PAX8: variants seen among roughly 807,000 people sequenced by gnomAD.
PAX8 encodes the protein paired box protein Pax-8.
A neutral mutation model predicts 52.4 loss-of-function variants in PAX8; 15 were observed. The observed-to-expected ratio is 0.29, with a 90% CI of 0.19 to 0.44. The LOEUF is 0.44. Among genes scored for constraint, PAX8 ranks in the 20% least tolerant of loss-of-function variants. The pLI, the probability that PAX8 is intolerant of heterozygous loss-of-function variation, is 1.00. For synonymous variants in PAX8, 284 were observed against 249.7 expected, an observed-to-expected ratio of 1.14 and a Z score of -1.29; for missense variants, 554 against 602.5, an observed-to-expected ratio of 0.92 and a Z score of 0.84.
intron 9 of PAX8, 52 bp from the exon 10 acceptor site, chr2:113,227,308 G>A (rs758318627): frequency 8.6e-6 from 12 of 1,390,074 alleles, no homozygotes; most frequent in East Asian, 2.4e-5. Context: ...GCTCCCATAT[G>A]TATCATCTCA....
At chr2:113,251,920 C>T (rs1691800415) in intron 2 of PAX8, among the ~76,000 whole-genome samples, 2 of 152,078 alleles carry the variant, frequency 1.3e-5, no homozygotes, top group South Asian at 4.2e-4. Context: ...AGGCAGGGGC[C>T]CTGTCTTTGT....
At chr2:113,278,098 C>T (rs540266585) in intron 2 of PAX8, among the ~76,000 whole-genome samples, 7 of 151,974 alleles carry the variant, frequency 4.6e-5, no homozygotes, top group African/African-American at 1.7e-4. Flanking sequence ...TCAAAGGAAA[C>T]CCCCTCTAAC....
rs1352632663 is a variant in PAX8, at chr2:113,255,312, G to T, written c.26-8393C>A. On this transcript the variant is annotated intron_variant, in intron 2 of 11. Coordinates refer to ENST00000429538, the MANE Select transcript of PAX8 (RefSeq NM_003466.4). ...GAGGGAGGAGGGAGGGGAGGAGGGA[G>T]GGGAGGAGGGAGGCAGATCTACAAG... 6 of 109,522 alleles carry T rather than the reference G, an allele frequency of 5.5e-5. 2 individuals are homozygous for T. Among genetic ancestry groups the T allele is most frequent in the African/African-American group, 2.1e-4 (6 of 28,272 alleles). The allele number at this position is 109,522 out of a possible 1,614,324, so 6.8% of individuals were successfully genotyped here.
chr2:113,261,908 C>G (rs1692710639), intron 2 of PAX8, among the ~76,000 whole-genome samples: 1 of 151,408 alleles, frequency 6.6e-6, no homozygotes, highest in Admixed American at 6.6e-5. Flanking sequence ...AACCCTGCAA[C>G]CTCCGCCCCA....
intron 2 of PAX8, among the ~76,000 whole-genome samples, chr2:113,257,246 C>T (rs1047940286): frequency 1.3e-5 from 2 of 152,060 alleles, no homozygotes; most frequent in Admixed American, 6.6e-5. Flanking sequence ...GAAATAATCC[C>T]AGCTCCTTCT....
chr2:113,268,542 C>A (rs916669327), intron 2 of PAX8: 1 of 152,124 alleles, frequency 6.6e-6, no homozygotes, highest in Admixed American at 6.5e-5. Context: ...CTGAGATGTG[C>A]GAGGCATACA....
At chr2:113,237,292 T>A (rs1690441709) in intron 7 of PAX8, 1 of 152,360 alleles carries the variant, frequency 6.6e-6, no homozygotes, top group African/African-American at 2.4e-5. Flanking sequence ...GAGCTTTGCC[T>A]CTGTTGTCCT....
chr2:113,225,447 A>C (rs1245018483), intron 10 of PAX8: 2 of 152,248 alleles, frequency 1.3e-5, no homozygotes, highest in Non-Finnish European at 2.9e-5. Context: ...TGCCATTCCT[A>C]GGAACCAAGT....
intron 2 of PAX8, among the ~76,000 whole-genome samples, chr2:113,263,668 T>A (rs1204810684): frequency 6.6e-6 from 1 of 152,152 alleles, no homozygotes; most frequent in Non-Finnish European, 1.5e-5. Flanking sequence ...CTTCTACCCA[T>A]AGCCAGATGG....
chr2:113,226,499 A>T (rs1689578118), intron 10 of PAX8: 2 of 989,110 alleles, frequency 2.0e-6, no homozygotes, highest in Non-Finnish European at 2.4e-6. Flanking sequence ...AGACAAAGAA[A>T]CCCAAATGAC....
At chr2:113,243,436 G>A (rs1328381553) in intron 4 of PAX8, among the ~76,000 whole-genome samples, 2 of 151,914 alleles carry the variant, frequency 1.3e-5, no homozygotes, top group Non-Finnish European at 2.9e-5. Context: ...TTGTCGCCCA[G>A]GCTGGAGTCC....
chr2:113,233,798 C>G (rs1251264451), intron 9 of PAX8, among the ~76,000 whole-genome samples: 1 of 152,046 alleles, frequency 6.6e-6, no homozygotes, highest in Non-Finnish European at 1.5e-5. Flanking sequence ...CAAGGGCTTT[C>G]TAGGGGCAGG....
intron 4 of PAX8, among the ~76,000 whole-genome samples, chr2:113,243,136 A>G (rs1046642073): frequency 2.0e-5 from 3 of 152,146 alleles, no homozygotes; most frequent in Non-Finnish European, 4.4e-5. Flanking sequence ...TGTCATCACC[A>G]GTGTTCCAGG....
intron 8 of PAX8, 77 bp downstream of exon 8, chr2:113,236,524 A>T (rs1690356709): frequency 1.3e-6 from 2 of 1,498,688 alleles, no homozygotes; most frequent in East Asian, 4.9e-5. Context: ...CCAGGGCCCC[A>T]CACCTTCCGC....
intron 2 of PAX8, chr2:113,268,501 T>C (rs936509696): frequency 1.3e-5 from 2 of 152,170 alleles, no homozygotes; most frequent in African/African-American, 4.8e-5. Context: ...TGGATCCAGG[T>C]AGACCAGCAT....
chr2:113,247,442 ACT>A (rs1291359238), intron 2 of PAX8, among the ~76,000 whole-genome samples: 8 of 152,316 alleles, frequency 5.3e-5, no homozygotes, highest in Admixed American at 1.3e-4. Flanking sequence ...AAAAGCAGAA[ACT>A]CTCTGGTAGA....
At chr2:113,254,436 A>G (rs1009246574) in intron 2 of PAX8, among the ~76,000 whole-genome samples, 10 of 152,174 alleles carry the variant, frequency 6.6e-5, no homozygotes, top group African/African-American at 2.4e-4. Context: ...CTGATTAGGA[A>G]GATGTCTCTA....
chr2:113,265,944 T>C (rs1693022513), intron 2 of PAX8: 1 of 152,208 alleles, frequency 6.6e-6, no homozygotes. Flanking sequence ...GAAATTTGCA[T>C]GGAGCACTCC....
At chr2:113,225,500 T>A (rs1689507892) in intron 10 of PAX8, 1 of 152,244 alleles carries the variant, frequency 6.6e-6, no homozygotes, top group Admixed American at 6.5e-5. Context: ...CTGATTTTCA[T>A]GGAACTCACT....
Sources: gnomAD v4.1 joint callset for allele counts (sites outside exome capture counted in the v4.1 genomes callset) on GRCh38, gnomAD v4.1.1 for gene constraint, MANE v1.5 for transcripts, NCBI Gene and HGNC (gene_info 2026-07-23, HGNC 2026-07-21) for gene names.